Variants in ZEB1 observed in about 807,000 individuals in gnomAD.
The protein encoded by ZEB1 is zinc finger E-box-binding homeobox 1.
ZEB1 carries 21 observed loss-of-function variants against 84.9 expected under a neutral mutation model. That is an observed-to-expected ratio of 0.25 (90% confidence interval 0.18 to 0.36). The LOEUF (loss-of-function observed/expected upper bound fraction) is 0.36. Among genes scored for constraint, ZEB1 ranks in the 10% least tolerant of loss-of-function variants. ZEB1 has a pLI of 1.00. For synonymous variants in ZEB1, 420 were observed against 471.1 expected (o/e 0.89, Z 1.41); for missense variants, 1,104 against 1,330.2 (o/e 0.83, Z 2.65).
At chr10:31,382,302 A>T (rs1431032580) in intron 1 of ZEB1, among the ~76,000 whole-genome samples, 1 of 152,206 alleles carries the variant, frequency 6.6e-6, no homozygotes, top group Non-Finnish European at 1.5e-5. Flanking sequence ...TGAGTGGAAC[A>T]TGCTATCTAT....
intron 5 of ZEB1, among the ~76,000 whole-genome samples, chr10:31,513,657 A>G (rs1333290250): frequency 6.6e-6 from 1 of 152,200 alleles, no homozygotes; most frequent in Non-Finnish European, 1.5e-5. Context: ...AGTTGAGTTA[A>G]GCCGTTAAAG....
rs146485058 is a variant in ZEB1, at chr10:31,430,202, C to T, written c.59-30835C>T. ...TGTAATCGTAGGCAATTTAAGATTT[C>T]GTACTAGTTAAGGTATAGACTGTTA... On this transcript the variant is annotated intron_variant, in intron 1 of 8. Transcript: ENST00000424869. Among the ~76,000 whole-genome samples the T allele has an allele frequency of 2.6e-4, 40 of 152,182 alleles. 1 individual carries two copies. Among genetic ancestry groups the T allele is most frequent in the Middle Eastern group, 3.4e-3 (1 of 292 alleles).
At chr10:31,522,971 TA>T (rs1238804043) in intron 7 of ZEB1, among the ~76,000 whole-genome samples, 1 of 152,220 alleles carries the variant, frequency 6.6e-6, no homozygotes, top group Non-Finnish European at 1.5e-5. Flanking sequence ...GAGCCATCCT[TA>T]GCATTTCATA....
intron 1 of ZEB1, among the ~76,000 whole-genome samples, chr10:31,444,423 T>C (rs2059484751): frequency 6.6e-6 from 1 of 152,066 alleles, no homozygotes; most frequent in African/African-American, 2.4e-5. Flanking sequence ...TTTAATGAGA[T>C]CCCATTTGTC....
intron 1 of ZEB1, chr10:31,319,980 G>C (rs2033390524): frequency 6.7e-6 from 1 of 150,344 alleles, no homozygotes; most frequent in South Asian, 1.9e-4. Context: ...CGCGCCGCGG[G>C]CGGACAGGGT....
rs1009060252 is a variant in ZEB1 at position 31,346,371 on chromosome 10, C to A, written c.58+27079C>A. Among the ~76,000 whole-genome samples, 4 of 152,038 alleles carry A rather than the reference C, an allele frequency of 2.6e-5. No individual in the cohort carries two copies. The East Asian group carries it at 7.7e-4, about 29-fold the overall frequency. On this transcript the variant is annotated intron_variant, in intron 1 of 8. Coordinates refer to ENST00000424869, the MANE Select transcript of ZEB1 (RefSeq NM_001174096.2). ...AGTAAAAGAATATGAGTTGTTGATA[C>A]GTGGAAACTTTAGACCCAAAATAAA... is the stretch of plus-strand genomic sequence containing the variant.
intron 1 of ZEB1, chr10:31,358,264 C>G (rs2042428650): frequency 6.6e-6 from 1 of 152,118 alleles, no homozygotes; most frequent in African/African-American, 2.4e-5. Context: ...CATGGTCCAC[C>G]ACAGTTGCAT....
intron 1 of ZEB1, chr10:31,321,645 C>A: frequency 6.8e-7 from 1 of 1,473,714 alleles, no homozygotes; most frequent in Non-Finnish European, 9.5e-7. Context: ...TGAGTCTGAA[C>A]CACCCAGCGT....
chr10:31,400,886 C>A (rs1480188344), intron 1 of ZEB1, among the ~76,000 whole-genome samples: 1 of 152,110 alleles, frequency 6.6e-6, no homozygotes, highest in African/African-American at 2.4e-5. Context: ...ATATGCATAA[C>A]TGATTTAAAT....
At chr10:31,323,677 A>G (rs755955975) in intron 1 of ZEB1, among the ~76,000 whole-genome samples, 3 of 152,070 alleles carry the variant, frequency 2.0e-5, no homozygotes, top group Non-Finnish European at 4.4e-5. Context: ...AATTCCTTTC[A>G]AGAAACTATA....
At chr10:31,524,135 T>TA in intron 8 of ZEB1, 22 bp downstream of exon 8, 1 of 1,610,632 alleles carries the variant, frequency 6.2e-7, no homozygotes, top group Non-Finnish European at 8.5e-7. Flanking sequence ...AACACAAACA[T>TA]AAAGTGTCCA....
intron 1 of ZEB1, among the ~76,000 whole-genome samples, chr10:31,395,024 G>A (rs915473363): frequency 2.0e-5 from 3 of 152,158 alleles, no homozygotes; most frequent in African/African-American, 7.2e-5. Flanking sequence ...TCCAAATACT[G>A]GAGAGGAAGT....
intron 1 of ZEB1, among the ~76,000 whole-genome samples, chr10:31,395,238 T>C (rs1274260582): frequency 3.9e-5 from 6 of 152,218 alleles, no homozygotes; most frequent in Non-Finnish European, 7.3e-5. Flanking sequence ...CTAGTCTCAC[T>C]GTTCTTCACC....
intron 2 of ZEB1, among the ~76,000 whole-genome samples, chr10:31,462,358 A>T (rs1352443846): frequency 6.6e-6 from 1 of 152,226 alleles, no homozygotes; most frequent in Non-Finnish European, 1.5e-5. Flanking sequence ...AACTGTGGAT[A>T]AGACTCTCTG....
chr10:31,388,599 C>T (rs568256450), intron 1 of ZEB1, among the ~76,000 whole-genome samples: 18 of 152,160 alleles, frequency 1.2e-4, no homozygotes, highest in South Asian at 4.1e-4. Flanking sequence ...GGAGTTAGAA[C>T]TAGTCTTGGT....
intron 4 of ZEB1, among the ~76,000 whole-genome samples, chr10:31,509,322 C>T (rs2069550314): frequency 6.6e-6 from 1 of 152,102 alleles, no homozygotes; most frequent in East Asian, 1.9e-4. Flanking sequence ...TGCAGGAGTC[C>T]ATGGTGGGAA....
At chr10:31,363,745 C>T in intron 1 of ZEB1, 4 of 1,224,166 alleles carry the variant, frequency 3.3e-6, no homozygotes, top group Non-Finnish European at 4.6e-6. Flanking sequence ...GGGTTTCTTC[C>T]TTGAGGGGGG....
chr10:31,457,232 A>G (rs546542130), intron 1 of ZEB1, among the ~76,000 whole-genome samples: 1 of 152,236 alleles, frequency 6.6e-6, no homozygotes, highest in South Asian at 2.1e-4. Flanking sequence ...CATTTAGATA[A>G]CTGAAGCCCT....
At chr10:31,447,031 A>T (rs559984219) in intron 1 of ZEB1, among the ~76,000 whole-genome samples, 2,102 of 149,726 alleles carry the variant, frequency 0.014, 48 homozygotes, top group African/African-American at 0.049. Context: ...GTCTCCCATT[A>T]TTAATGTGTG....
Sources: allele counts gnomAD v4.1 joint callset (sites outside exome capture counted in the v4.1 genomes callset), GRCh38; gene constraint gnomAD v4.1.1; transcripts MANE v1.5; gene names NCBI Gene and HGNC (gene_info 2026-07-23, HGNC 2026-07-21).